Variants in UGT1A9 observed in about 807,000 individuals in gnomAD.
The protein encoded by UGT1A9 is UDP-glucuronosyltransferase 1A9.
UGT1A9 carries 35 observed loss-of-function variants against 45.0 expected under a neutral mutation model. The observed-to-expected ratio is 0.78, with a 90% CI of 0.59 to 1.03. UGT1A9 has a LOEUF of 1.03. Among genes scored for constraint, UGT1A9 ranks in the 50% least tolerant of loss-of-function variants. The probability of loss-of-function intolerance (pLI) is 0.00; values close to 1 mark genes in which losing one functional copy is unlikely to be tolerated. For missense variants in UGT1A9, 687 were observed against 666.6 expected, an observed-to-expected ratio of 1.03 and a Z score of -0.34; for synonymous variants, 278 against 250.6, an observed-to-expected ratio of 1.11 and a Z score of -1.03.
chr2:233,758,540 T>C (rs145954073), intron 1 of UGT1A9, among the ~76,000 whole-genome samples: 1 of 152,348 alleles, frequency 6.6e-6, no homozygotes, highest in Non-Finnish European at 1.5e-5. Flanking sequence ...GCTATGTCTA[T>C]TCTGCTTGCC....
chr2:233,690,738 T>G (rs1393287542), intron 1 of UGT1A9: 1 of 1,205,664 alleles, frequency 8.3e-7, no homozygotes, highest in Non-Finnish European at 1.0e-6. Context: ...CAGATTCCTC[T>G]GGCTAGTGTC....
At position 233,773,283 on chromosome 2, in the gene UGT1A9, A is replaced by G. The variant is rs1700573632; in HGVS notation, c.*724A>G. 6.6e-6 allele frequency: 1 copy of G among 152,180 alleles called. No homozygotes were observed. The highest frequency in any genetic ancestry group is 1.5e-5 in the Non-Finnish European group (1 of 68,034). 9.4% of individuals were successfully genotyped at this position (152,180 alleles called of 1,614,324 possible). Reference sequence around the variant, plus strand: ...TTCCTACAACTAAAAATAAATTAATAAATTTATATAAATTCTATTTAAGTG... The same window carrying G: ...TTCCTACAACTAAAAATAAATTAATGAATTTATATAAATTCTATTTAAGTG... On this transcript the variant is annotated 3_prime_UTR_variant, in exon 5 of 5. Coordinates refer to ENST00000354728, the MANE Select transcript of UGT1A9 (RefSeq NM_021027.3).
At chr2:233,690,390 C>A in intron 1 of UGT1A9, 1 of 1,083,920 alleles carries the variant, frequency 9.2e-7, no homozygotes, top group Non-Finnish European at 1.2e-6. Context: ...CGTTTCCAGA[C>A]CTTCCTATTC....
chr2:233,720,019 G>T (rs540203341), intron 1 of UGT1A9, among the ~76,000 whole-genome samples: 6 of 152,260 alleles, frequency 3.9e-5, no homozygotes, highest in African/African-American at 1.4e-4. Flanking sequence ...TCCATCCTGG[G>T]GTTTTTGCTT....
chr2:233,735,013 G>A (rs1042538145), intron 1 of UGT1A9, among the ~76,000 whole-genome samples: 1 of 152,194 alleles, frequency 6.6e-6, no homozygotes, highest in Non-Finnish European at 1.5e-5. Context: ...GGAGAGTTCT[G>A]TAGATGTCTA....
chr2:233,768,143 G>A lies in UGT1A9; in HGVS notation c.1076-77G>A, dbSNP rs995477416. ...GTGAGTAACACTGAGTCTTTGGAGTGTTTTCAGAACCTAGATGTGTCCAGC... is the reference window on the plus strand; with the variant it reads ...GTGAGTAACACTGAGTCTTTGGAGTATTTTCAGAACCTAGATGTGTCCAGC... On this transcript the variant is annotated intron_variant, in intron 3 of 4. Coordinates refer to ENST00000354728, the MANE Select transcript of UGT1A9 (RefSeq NM_021027.3). 1.6e-5 allele frequency: 26 copies of A among 1,610,468 alleles called. No homozygotes were observed. In the African/African-American group the frequency reaches 3.5e-4, roughly 22 times the overall value.
chr2:233,701,911 A>G (rs2075659701), intron 1 of UGT1A9, among the ~76,000 whole-genome samples: 1 of 152,188 alleles, frequency 6.6e-6, no homozygotes, highest in African/African-American at 2.4e-5. Flanking sequence ...TAAAATTGAC[A>G]CCCTAACATC....
At chr2:233,732,087 T>G (rs2078235147) in intron 1 of UGT1A9, among the ~76,000 whole-genome samples, 1 of 152,220 alleles carries the variant, frequency 6.6e-6, no homozygotes, top group African/African-American at 2.4e-5. Flanking sequence ...TGTCTTCTTT[T>G]GAGAAGTGTC....
chr2:233,729,567 T>C (rs764515587), intron 1 of UGT1A9: 23 of 1,614,054 alleles, frequency 1.4e-5, no homozygotes, highest in Non-Finnish European at 1.7e-5. Flanking sequence ...CTTCCTTTGA[T>C]GTGGTTTTAA....
chr2:233,760,868 C>T (rs1697593103), intron 1 of UGT1A9: 1 of 1,614,100 alleles, frequency 6.2e-7, no homozygotes, highest in East Asian at 2.2e-5. Flanking sequence ...TCCTACGTGC[C>T]CAGGCCTCTC....
At chr2:233,713,374 G>C (rs758031379) in intron 1 of UGT1A9, 1 of 1,614,186 alleles carries the variant, frequency 6.2e-7, no homozygotes, top group Non-Finnish European at 8.5e-7. Flanking sequence ...CATAGGTCTT[G>C]TGTGGAGCTA....
chr2:233,728,626 G>A (rs1336617432), intron 1 of UGT1A9, among the ~76,000 whole-genome samples: 2 of 152,180 alleles, frequency 1.3e-5, no homozygotes, highest in Admixed American at 6.5e-5. Flanking sequence ...GAGAAAGCTG[G>A]CTTAGCAATG....
At chr2:233,709,134 A>G (rs2076059610) in intron 1 of UGT1A9, among the ~76,000 whole-genome samples, 1 of 152,060 alleles carries the variant, frequency 6.6e-6, no homozygotes, top group Non-Finnish European at 1.5e-5. Flanking sequence ...GGCCAAGGGG[A>G]TGAGACGTGC....
chr2:233,750,148 T>C (rs1694375303), intron 1 of UGT1A9, among the ~76,000 whole-genome samples: 1 of 151,890 alleles, frequency 6.6e-6, no homozygotes, highest in Non-Finnish European at 1.5e-5. Flanking sequence ...TCCTAGAGAC[T>C]TGTTGAATGG....
intron 1 of UGT1A9, among the ~76,000 whole-genome samples, chr2:233,728,649 T>C (rs1297115247): frequency 6.6e-6 from 1 of 152,186 alleles, no homozygotes; most frequent in Non-Finnish European, 1.5e-5. Flanking sequence ...GTATGGTTTT[T>C]GGATGCGCTG....
chr2:233,760,580 A>G, intron 1 of UGT1A9: 1 of 1,614,212 alleles, frequency 6.2e-7, no homozygotes, highest in Non-Finnish European at 8.5e-7. Context: ...CTCGGGCATA[A>G]TGTTTTTGAG....
rs575197144 is a variant in UGT1A9 at position 233,676,234 on chromosome 2, A to G, written c.855+3445A>G. ...CTTCACCGATGGATTCATCAGAAGCATGGTTGATGATGAATTCACTGATGA... is the reference window on the plus strand; with the variant it reads ...CTTCACCGATGGATTCATCAGAAGCGTGGTTGATGATGAATTCACTGATGA... On this transcript the variant is annotated intron_variant, in intron 1 of 4. Transcript: ENST00000354728. Among the ~76,000 whole-genome samples the G allele has an allele frequency of 7.2e-5, 11 of 152,306 alleles. No individual in the cohort carries two copies. In the South Asian group the frequency reaches 2.3e-3, roughly 32 times the overall value.
Position 233,743,916 on chromosome 2 carries a change from T to C in UGT1A9, c.856-23118T>C, listed in dbSNP as rs774957959. On this transcript the variant is annotated intron_variant, in intron 1 of 4. Transcript: ENST00000354728. Reference sequence around the variant, plus strand: ...TCCAGCACCTCGTAGTAGTCCACCATGCTGGATGGCCAGAACGGCCCACCA... The same window carrying C: ...TCCAGCACCTCGTAGTAGTCCACCACGCTGGATGGCCAGAACGGCCCACCA... 1.8e-5 allele frequency: 25 copies of C among 1,364,598 alleles called. 1 individual carries two copies. Among genetic ancestry groups the C allele is most frequent in the South Asian group, 1.5e-4 (13 of 87,900 alleles). 84.5% of individuals were successfully genotyped at this position (1,364,598 alleles called of 1,614,324 possible). A position where few individuals can be genotyped will look rare whatever the true frequency, so the allele number is the denominator to read the frequency against.
At chr2:233,754,740 A>G (rs1278383852) in intron 1 of UGT1A9, 2 of 687,602 alleles carry the variant, frequency 2.9e-6, no homozygotes, top group Admixed American at 2.3e-5. Flanking sequence ...ACCGTAGGAC[A>G]TGCAGAAGGA....
Sources: allele counts gnomAD v4.1 joint callset (sites outside exome capture counted in the v4.1 genomes callset), GRCh38; gene constraint gnomAD v4.1.1; transcripts MANE v1.5; gene names NCBI Gene and HGNC (gene_info 2026-07-23, HGNC 2026-07-21).